Variants in MOB1B observed in about 807,000 individuals in gnomAD.
MOB1B encodes MOB1 Mps One Binder homolog B.
A neutral mutation model predicts 24.4 loss-of-function variants in MOB1B; 19 were observed. The observed-to-expected ratio is 0.78, with a 90% CI of 0.54 to 1.14. The LOEUF is 1.14. Ranked by LOEUF, MOB1B falls within the 50% of genes most tolerant of loss-of-function variation. The pLI, the probability that MOB1B is intolerant of heterozygous loss-of-function variation, is 0.00. For missense variants in MOB1B, 243 were observed against 259.6 expected (o/e 0.94, Z 0.44); for synonymous variants, 76 against 82.1 (o/e 0.93, Z 0.40).
At position 70,947,447 on chromosome 4, in the gene MOB1B, T is replaced by TC. The variant is rs200713990; in HGVS notation, c.15-11420dup. On this transcript the variant is annotated intron_variant, in intron 1 of 5. Transcript: ENST00000309395. ...CCCTGGCTAGTTGGCTAGGTTTTTT[T>TC]CCCCCCCGCCAGAGATGGAGTCTTA... 7.4e-3 allele frequency among the ~76,000 whole-genome samples: 1,126 copies of TC among 151,318 alleles called. 11 individuals carry two copies. The highest frequency in any genetic ancestry group is 0.026 in the African/African-American group (1,080 of 41,148).
chr4:70,939,041 ACAGT>A (rs1737220054), intron 1 of MOB1B, among the ~76,000 whole-genome samples: 2 of 152,246 alleles, frequency 1.3e-5, no homozygotes, highest in African/African-American at 4.8e-5. Flanking sequence ...GAGCTGCTGA[ACAGT>A]CAAAGTTGGA....
chr4:70,933,731 T>C (rs989209275), intron 1 of MOB1B, among the ~76,000 whole-genome samples: 17 of 152,012 alleles, frequency 1.1e-4, no homozygotes, highest in African/African-American at 4.1e-4. Flanking sequence ...TTTGTATTTT[T>C]AGTAGAGATG....
chr4:70,907,070 A>G (rs1255685573), intron 1 of MOB1B, among the ~76,000 whole-genome samples: 1 of 152,216 alleles, frequency 6.6e-6, no homozygotes, highest in Admixed American at 6.5e-5. Context: ...CAGTCAGAGG[A>G]AACATCTTTG....
At chr4:70,977,527 A>G in intron 4 of MOB1B, among the ~76,000 whole-genome samples, 1 of 152,144 alleles carries the variant, frequency 6.6e-6, no homozygotes, top group Admixed American at 6.5e-5. Context: ...GTATATATTT[A>G]AGGTATACAA....
intron 4 of MOB1B, among the ~76,000 whole-genome samples, chr4:70,978,373 A>G (rs1246173999): frequency 1.3e-5 from 2 of 152,206 alleles, no homozygotes; most frequent in African/African-American, 4.8e-5. Context: ...ATTGTGGACA[A>G]TGCTGTAGTG....
intron 1 of MOB1B, among the ~76,000 whole-genome samples, chr4:70,952,313 G>GA (rs1331698518): frequency 6.6e-6 from 1 of 151,918 alleles, no homozygotes; most frequent in East Asian, 1.9e-4. Flanking sequence ...TATGTTAAGT[G>GA]AAAAACATTA....
intron 1 of MOB1B, among the ~76,000 whole-genome samples, chr4:70,949,788 T>G (rs1018870266): frequency 5.3e-5 from 8 of 151,926 alleles, no homozygotes; most frequent in African/African-American, 1.7e-4. Flanking sequence ...TCCCAACTAC[T>G]TGGGAGGCCG....
intron 1 of MOB1B, among the ~76,000 whole-genome samples, chr4:70,924,235 A>G (rs1736564149): frequency 6.6e-6 from 1 of 152,180 alleles, no homozygotes; most frequent in African/African-American, 2.4e-5. Flanking sequence ...TTTTGCTCAC[A>G]TATGCCTGGT....
chr4:70,951,876 A>C (rs947690727), intron 1 of MOB1B, among the ~76,000 whole-genome samples: 1 of 152,236 alleles, frequency 6.6e-6, no homozygotes, highest in Admixed American at 6.5e-5. Flanking sequence ...CAAACAAACA[A>C]AAAAACAAAG....
intron 1 of MOB1B, among the ~76,000 whole-genome samples, chr4:70,927,885 C>T (rs191931251): frequency 6.6e-6 from 1 of 152,174 alleles, no homozygotes; most frequent in Non-Finnish European, 1.5e-5. Context: ...GCTTACCACT[C>T]CAGCCTCATC....
intron 1 of MOB1B, chr4:70,942,817 C>T: frequency 3.2e-6 from 3 of 931,108 alleles, no homozygotes; most frequent in Non-Finnish European, 3.8e-6. Context: ...TGTTTTTTGT[C>T]TGTAGAGAGA....
rs543055079 is a variant in MOB1B, at chr4:70,919,215, G to A, written c.14+16665G>A. Reference sequence around the variant, plus strand: ...GGAGATATACCTAATGCTAGATGACGAGTTAGTGGGTGCAGTGCACCAGCA... The same window carrying A: ...GGAGATATACCTAATGCTAGATGACAAGTTAGTGGGTGCAGTGCACCAGCA... On this transcript the variant is annotated intron_variant, in intron 1 of 5. Transcript: ENST00000309395. Among the ~76,000 whole-genome samples, 28 of 151,900 alleles carry A rather than the reference G, an allele frequency of 1.8e-4. No homozygotes were observed. In the South Asian group the frequency reaches 3.7e-3, roughly 20 times the overall value.
rs545804145 is a variant in MOB1B, at chr4:70,958,808, G to A, written c.15-66G>A. ...CAATACAGTTTAGGTCTAATGCTTG[G>A]TGAATGACTCTATTGAATGTCATGC... On this transcript the variant is annotated intron_variant, in intron 1 of 5. Coordinates refer to ENST00000309395, the MANE Select transcript of MOB1B (RefSeq NM_173468.4). 109 of 1,388,684 alleles carry A rather than the reference G, an allele frequency of 7.8e-5. No individual in the cohort carries two copies. In the African/African-American group the frequency reaches 1.3e-3, roughly 16 times the overall value. 86.0% of individuals were successfully genotyped at this position (1,388,684 alleles called of 1,614,324 possible). A position where few individuals can be genotyped will look rare whatever the true frequency, so the allele number is the denominator to read the frequency against.
At chr4:70,911,426 AAT>A (rs1314054121) in intron 1 of MOB1B, among the ~76,000 whole-genome samples, 11 of 151,728 alleles carry the variant, frequency 7.2e-5, no homozygotes, top group Non-Finnish European at 1.5e-4. Flanking sequence ...CCTTATATAT[AAT>A]ATATGTTATC....
At chr4:70,949,771 C>A (rs1324306186) in intron 1 of MOB1B, among the ~76,000 whole-genome samples, 1 of 151,808 alleles carries the variant, frequency 6.6e-6, no homozygotes, top group Non-Finnish European at 1.5e-5. Context: ...GTGGCGTGAA[C>A]CTGTGGTCCC....
intron 2 of MOB1B, among the ~76,000 whole-genome samples, chr4:70,963,662 A>C (rs1437587325): frequency 6.6e-6 from 1 of 151,930 alleles, no homozygotes; most frequent in Non-Finnish European, 1.5e-5. Context: ...TCTACCAAAA[A>C]TAAAAAAGTT....
intron 1 of MOB1B, among the ~76,000 whole-genome samples, chr4:70,947,578 T>C (rs1344465546): frequency 2.6e-5 from 4 of 152,210 alleles, no homozygotes; most frequent in African/African-American, 9.6e-5. Flanking sequence ...TGCTAGTCGG[T>C]GGCTTGATAT....
intron 1 of MOB1B, among the ~76,000 whole-genome samples, chr4:70,942,152 C>T (rs966130935): frequency 3.9e-5 from 6 of 152,014 alleles, no homozygotes; most frequent in African/African-American, 9.6e-5. Context: ...TTATTAAAAA[C>T]GAAAAATCCT....
intron 1 of MOB1B, among the ~76,000 whole-genome samples, chr4:70,903,764 CA>C (rs1735620973): frequency 6.6e-6 from 1 of 151,456 alleles, no homozygotes; most frequent in Non-Finnish European, 1.5e-5. Context: ...GGTGTTTAAG[CA>C]AAACTGAACA....
Sources: gnomAD v4.1 joint callset for allele counts (sites outside exome capture counted in the v4.1 genomes callset) on GRCh38, gnomAD v4.1.1 for gene constraint, MANE v1.5 for transcripts, NCBI Gene and HGNC (gene_info 2026-07-23, HGNC 2026-07-21) for gene names.